Variants in DROSHA observed in about 807,000 individuals in gnomAD.
The protein encoded by DROSHA is ribonuclease 3.
A neutral mutation model predicts 181.9 loss-of-function variants in DROSHA; 56 were observed. The observed-to-expected ratio is 0.31, with a 90% CI of 0.25 to 0.38. DROSHA has a LOEUF of 0.38. Among genes scored for constraint, DROSHA ranks in the 10% least tolerant of loss-of-function variants. The pLI, the probability that DROSHA is intolerant of heterozygous loss-of-function variation, is 1.00. For missense variants in DROSHA, 1,218 were observed against 1,743.5 expected, an observed-to-expected ratio of 0.70 and a Z score of 5.37; for synonymous variants, 524 against 591.2, an observed-to-expected ratio of 0.89 and a Z score of 1.65.
intron 23 of DROSHA, 22 bp from the exon 24 acceptor site, chr5:31,437,320 T>C: frequency 6.4e-7 from 1 of 1,553,564 alleles, no homozygotes; most frequent in South Asian, 1.2e-5. Flanking sequence ...ATTAAAAAGG[T>C]TACTTAATAC....
intron 30 of DROSHA, among the ~76,000 whole-genome samples, chr5:31,420,491 T>G (rs147302845): frequency 5.3e-4 from 81 of 152,346 alleles, no homozygotes; most frequent in Middle Eastern, 3.4e-3. Context: ...CACAAAAGTT[T>G]TATAAAATGA....
intron 13 of DROSHA, among the ~76,000 whole-genome samples, chr5:31,489,656 C>T (rs2150040765): frequency 9.3e-6 from 1 of 107,052 alleles, no homozygotes; most frequent in South Asian, 4.1e-4. Context: ...ACTTATACTC[C>T]TATCTCACCC....
intron 23 of DROSHA, 57 bp downstream of exon 23, chr5:31,448,490 A>T: frequency 1.4e-6 from 2 of 1,445,784 alleles, no homozygotes; most frequent in East Asian, 4.6e-5. Flanking sequence ...AAATGAGTAA[A>T]CTGTATAGTA....
intron 3 of DROSHA, among the ~76,000 whole-genome samples, chr5:31,529,564 T>G (rs1222969142): frequency 2.6e-5 from 4 of 151,752 alleles, no homozygotes; most frequent in Admixed American, 1.3e-4. Context: ...TGAAATCCTG[T>G]CTCTACTAAA....
chr5:31,402,537 G>T (rs1285563221), intron 35 of DROSHA, among the ~76,000 whole-genome samples: 1 of 151,990 alleles, frequency 6.6e-6, no homozygotes, highest in Non-Finnish European at 1.5e-5. Context: ...ATTAAATTTT[G>T]CATGTGTAGG....
chr5:31,522,581 T>C (rs757802904), intron 5 of DROSHA, among the ~76,000 whole-genome samples: 20 of 152,244 alleles, frequency 1.3e-4, no homozygotes, highest in Admixed American at 2.0e-4. Context: ...AGTAACACTA[T>C]TAAGACAAAT....
intron 30 of DROSHA, among the ~76,000 whole-genome samples, chr5:31,415,693 G>A (rs1741863773): frequency 6.6e-6 from 1 of 152,164 alleles, no homozygotes; most frequent in African/African-American, 2.4e-5. Flanking sequence ...TGGGTACAGT[G>A]CCTTGAACAC....
Position 31,493,263 on chromosome 5 carries a change from C to A in DROSHA, c.1786G>T (p.Asp596Tyr). Reference protein sequence around the residue: ...TDRPTVIEYDDHEYIFEGFSM... With the variant: ...TDRPTVIEYDYHEYIFEGFSM... ...AATCCTTCAAAGATATACTCGTGATCATCGTATTCTATAACAGTTGGCCTG... is the reference window on the plus strand; with the variant it reads ...AATCCTTCAAAGATATACTCGTGATAATCGTATTCTATAACAGTTGGCCTG... Residue 596 changes from aspartate to tyrosine, a missense_variant, in exon 13 of 36, where the codon GAT becomes TAT. Asp to Tyr is a radical substitution (Grantham distance 160). Around this residue, in one of 8 missense-constraint regions of DROSHA, gnomAD observed 460 missense variants for 774.2 expected, o/e 0.59. Transcript: ENST00000344624. 1 of 1,604,980 alleles carries A rather than the reference C, an allele frequency of 6.2e-7. No individual in the cohort carries two copies. The highest frequency in any genetic ancestry group is 1.7e-5 in the Admixed American group (1 of 58,690).
At chr5:31,401,975 T>C (rs1368646739) in intron 35 of DROSHA, among the ~76,000 whole-genome samples, 1 of 152,094 alleles carries the variant, frequency 6.6e-6, no homozygotes, top group African/African-American at 2.4e-5. Flanking sequence ...AACTAAAAAC[T>C]TCAAACAAAT....
chr5:31,502,228 A>C (rs1042743955), intron 11 of DROSHA, among the ~76,000 whole-genome samples: 2 of 152,222 alleles, frequency 1.3e-5, no homozygotes, highest in African/African-American at 4.8e-5. Context: ...AAATGGCCTC[A>C]GCTGTTCCAG....
At chr5:31,464,941 G>A (rs1223278653) in intron 19 of DROSHA, among the ~76,000 whole-genome samples, 1 of 152,022 alleles carries the variant, frequency 6.6e-6, no homozygotes, top group Non-Finnish European at 1.5e-5. Context: ...AATCTCATAG[G>A]AATTCATAAT....
intron 23 of DROSHA, among the ~76,000 whole-genome samples, chr5:31,445,502 A>G (rs1746141227): frequency 6.6e-6 from 1 of 152,224 alleles, no homozygotes. Context: ...ATCACGGGAA[A>G]AGAAAACTAC....
rs1297095352 is a variant in DROSHA, at chr5:31,472,080, C to G, written c.2224G>C (p.Val742Leu). Residue 742 changes from valine to leucine, a missense_variant, in exon 17 of 36, where the codon GTT (valine) becomes CTT (leucine). Val to Leu is a conservative substitution (Grantham distance 32). Coordinates refer to ENST00000344624, the MANE Select transcript of DROSHA (RefSeq NM_001382508.1). ...GAACATACCGTCCCAGGGTTGGTAA[C>G]AATCATGCCTTTGCATTCTTCTGCA... ...KYAEECKGMIVTNPGTKPSSV... is the reference protein window; with the variant it reads ...KYAEECKGMILTNPGTKPSSV... The G allele has an allele frequency of 6.2e-7, 1 of 1,613,772 alleles. No individual in the cohort carries two copies.
chr5:31,502,367 G>A (rs973311991), intron 11 of DROSHA, among the ~76,000 whole-genome samples: 1 of 152,174 alleles, frequency 6.6e-6, no homozygotes, highest in Admixed American at 6.5e-5. Flanking sequence ...GGTCCCTGAC[G>A]TTCTGAAGCA....
At chr5:31,523,999 CAAA>C (rs74335989) in intron 5 of DROSHA, among the ~76,000 whole-genome samples, 3,516 of 133,054 alleles carry the variant, frequency 0.026, 65 homozygotes, top group South Asian at 0.048. Flanking sequence ...AAAAAAACAA[CAAA>C]AAAAAAACTA....
intron 19 of DROSHA, among the ~76,000 whole-genome samples, chr5:31,465,150 T>TAAGTGA (rs1748862764): frequency 6.6e-6 from 1 of 152,158 alleles, no homozygotes; most frequent in Non-Finnish European, 1.5e-5. Flanking sequence ...TAAATCACAG[T>TAAGTGA]AAGTGACAAA....
chr5:31,433,184 A>C (rs1319836083), intron 25 of DROSHA, among the ~76,000 whole-genome samples: 1 of 152,234 alleles, frequency 6.6e-6, no homozygotes, highest in Non-Finnish European at 1.5e-5. Flanking sequence ...GGAAAAACAC[A>C]AAGACAATAA....
intron 11 of DROSHA, among the ~76,000 whole-genome samples, chr5:31,497,348 C>A (rs78443074): frequency 6.6e-6 from 1 of 152,118 alleles, no homozygotes; most frequent in Non-Finnish European, 1.5e-5. Flanking sequence ...TGTCACAATC[C>A]CAGGATCCTT....
At chr5:31,402,675 A>G (rs974984291) in intron 35 of DROSHA, among the ~76,000 whole-genome samples, 3 of 152,162 alleles carry the variant, frequency 2.0e-5, no homozygotes, top group Non-Finnish European at 4.4e-5. Flanking sequence ...CCTCTTAATT[A>G]TATAGTATAC....
Sources: allele counts gnomAD v4.1 joint callset (sites outside exome capture counted in the v4.1 genomes callset), GRCh38; gene constraint gnomAD v4.1.1; regional missense constraint gnomAD v4.1.1; transcripts MANE v1.5; gene names NCBI Gene and HGNC (gene_info 2026-07-23, HGNC 2026-07-21).